The following PCDHGB2 variants were observed in gnomAD, a reference collection of about 807,000 sequenced individuals.
PCDHGB2 encodes the protein protocadherin gamma-B2.
PCDHGB2 carries 55 observed loss-of-function variants against 59.3 expected under a neutral mutation model. The observed-to-expected ratio is 0.93, with a 90% CI of 0.75 to 1.16. The LOEUF is 1.16. Ranked by LOEUF, PCDHGB2 falls within the 50% of genes most tolerant of loss-of-function variation. The pLI, the probability that PCDHGB2 is intolerant of heterozygous loss-of-function variation, is 0.00. For missense variants in PCDHGB2, 1,228 were observed against 1,198.5 expected (o/e 1.02, Z -0.36); for synonymous variants, 516 against 512.0 (o/e 1.01, Z -0.11).
Position 141,360,866 on chromosome 5 carries a change from A to T in PCDHGB2, c.731A>T (p.Gln244Leu). The change falls in exon 1 of 4, where the codon CAG (glutamine) becomes CTG (leucine). Residue 244 changes from glutamine to leucine, a missense_variant. Around this residue, in one of 3 missense-constraint regions of PCDHGB2, gnomAD observed 781 missense variants for 721.6 expected, o/e 1.08. Coordinates refer to ENST00000522605, the MANE Select transcript of PCDHGB2 (RefSeq NM_018923.3). ...AACGATAACCCTCCAGTGTTCAGCC[A>T]GGACGTGTACAGGGTCACCCTGAGG... ...DANDNPPVFS[Q>L]DVYRVTLRED... 6.2e-7 allele frequency: 1 copy of T among 1,614,058 alleles called. No individual in the cohort carries two copies. The highest frequency in any genetic ancestry group is 8.5e-7 in the Non-Finnish European group (1 of 1,179,902).
chr5:141,506,832 C>T (rs1398190563), intron 3 of PCDHGB2, among the ~76,000 whole-genome samples: 1 of 152,130 alleles, frequency 6.6e-6, no homozygotes, highest in African/African-American at 2.4e-5. Flanking sequence ...GAACTGATAG[C>T]CCTGCCCTCC....
rs2099684984 is a variant in PCDHGB2 at position 141,489,278 on chromosome 5, G to A, written c.2422-5529G>A. ...ACACTCCCACAGCTCGCTGGGAAAT[G>A]GCAAGTGCTGTGCATGTTGTCCTTG... is the stretch of plus-strand genomic sequence containing the variant. On this transcript the variant is annotated intron_variant, in intron 1 of 3. Transcript: ENST00000522605. The surrounding 1 kb of genome is among the most constrained non-coding windows in gnomAD (Gnocchi z 4.5). The A allele has an allele frequency of 6.4e-7, 1 of 1,561,298 alleles. No homozygotes were observed. The highest frequency in any genetic ancestry group is 2.2e-5 in the East Asian group (1 of 44,520).
chr5:141,442,894 C>T (rs1173211061), intron 1 of PCDHGB2, among the ~76,000 whole-genome samples: 1 of 152,204 alleles, frequency 6.6e-6, no homozygotes, highest in Non-Finnish European at 1.5e-5. Flanking sequence ...CCCTGCTTAT[C>T]ACTTCTCCTT....
At chr5:141,371,942 G>T (rs902262957) in intron 1 of PCDHGB2, 1 of 1,613,292 alleles carries the variant, frequency 6.2e-7, no homozygotes, top group Non-Finnish European at 8.5e-7. Context: ...TGGTGTTCGC[G>T]CAGCGAGCCT....
At chr5:141,392,818 C>T (rs1306076998) in intron 1 of PCDHGB2, 1 of 1,589,068 alleles carries the variant, frequency 6.3e-7, no homozygotes, top group East Asian at 2.2e-5. Flanking sequence ...ACAACAATGG[C>T]CGCTCCACAG....
intron 2 of PCDHGB2, among the ~76,000 whole-genome samples, chr5:141,501,838 G>A (rs888418141): frequency 6.6e-6 from 1 of 152,000 alleles, no homozygotes; most frequent in African/African-American, 2.4e-5. Flanking sequence ...CACCTGTTTG[G>A]CCCTCAACCT....
At chr5:141,418,000 G>T in intron 1 of PCDHGB2, 1 of 1,613,902 alleles carries the variant, frequency 6.2e-7, no homozygotes, top group Non-Finnish European at 8.5e-7. Context: ...GCTCGGTGGT[G>T]GGGAACCTCG....
chr5:141,431,554 C>G lies in PCDHGB2; in HGVS notation c.2422-63253C>G. 1 of 1,614,126 alleles carries G rather than the reference C, an allele frequency of 6.2e-7. No homozygotes were observed. The highest frequency in any genetic ancestry group is 1.7e-5 in the Admixed American group (1 of 60,032). ...TGGGCACGCAGCTGCTTGTAGTCAA[C>G]GCTACCGACCCTGACGAAGGAGTCA... is the stretch of plus-strand genomic sequence containing the variant. On this transcript the variant is annotated intron_variant, in intron 1 of 3. Coordinates refer to ENST00000522605, the MANE Select transcript of PCDHGB2 (RefSeq NM_018923.3). This position sits in a 1 kb window ranked among gnomAD's most constrained non-coding sequence, Gnocchi z 4.8.
At chr5:141,409,589 G>A (rs1487343349) in intron 1 of PCDHGB2, 12 of 1,613,758 alleles carry the variant, frequency 7.4e-6, no homozygotes, top group East Asian at 4.5e-5. Flanking sequence ...CCACGTGGCC[G>A]AGAACAACCC....
chr5:141,413,533 C>G, intron 1 of PCDHGB2: 1 of 1,613,934 alleles, frequency 6.2e-7, no homozygotes, highest in Non-Finnish European at 8.5e-7. Flanking sequence ...CAGGGTGAAA[C>G]TTTTTGGGAT....
At chr5:141,415,736 TAAGG>T (rs2095905512) in intron 1 of PCDHGB2, 1 of 1,289,864 alleles carries the variant, frequency 7.8e-7, no homozygotes, top group Admixed American at 3.4e-5. Flanking sequence ...TGATGTTTAT[TAAGG>T]TTTTTTTTTT....
chr5:141,443,243 C>T (rs755331096), intron 1 of PCDHGB2, among the ~76,000 whole-genome samples: 9 of 151,618 alleles, frequency 5.9e-5, no homozygotes, highest in Non-Finnish European at 1.0e-4. Flanking sequence ...CACTTTGGGG[C>T]GCCAAGGCGG....
At chr5:141,395,347 C>T in intron 1 of PCDHGB2, 1 of 1,392,780 alleles carries the variant, frequency 7.2e-7, no homozygotes, top group Non-Finnish European at 9.5e-7. Flanking sequence ...TAAGGTGTAT[C>T]ACAGAGTTTT....
chr5:141,396,347 G>A (rs765584625), intron 1 of PCDHGB2: 21 of 152,416 alleles, frequency 1.4e-4, no homozygotes, highest in Non-Finnish European at 2.5e-4. Context: ...GGCCGGGTGC[G>A]GTGGCTCACG....
At chr5:141,434,883 C>T (rs1490696834) in intron 1 of PCDHGB2, among the ~76,000 whole-genome samples, 1 of 151,644 alleles carries the variant, frequency 6.6e-6, no homozygotes, top group Non-Finnish European at 1.5e-5. Context: ...ATACCAACAA[C>T]AATCCAGTCC....
Position 141,385,517 on chromosome 5 carries a change from T to G in PCDHGB2, c.2421+22961T>G, listed in dbSNP as rs887255170. 4.4e-6 allele frequency: 6 copies of G among 1,367,514 alleles called. No individual in the cohort carries two copies. In the Admixed American group the frequency reaches 2.0e-4, roughly 47 times the overall value. The allele number at this position is 1,367,514 out of a possible 1,614,324, so 84.7% of individuals were successfully genotyped here. A position where few individuals can be genotyped will look rare whatever the true frequency, so the allele number is the denominator to read the frequency against. The stretch of plus-strand genomic sequence containing the variant: ...ATATAGTATTTCTTTAGTGAAAGCC[T>G]ATGGACAAGATTATGAATATGTGGA... On this transcript the variant is annotated intron_variant, in intron 1 of 3. Transcript: ENST00000522605.
chr5:141,376,508 G>A (rs1267982619), intron 1 of PCDHGB2: 1 of 1,614,020 alleles, frequency 6.2e-7, no homozygotes, highest in South Asian at 1.1e-5. Context: ...GCAACTTCAG[G>A]TGAGTTTCTT....
chr5:141,427,937 C>T, intron 1 of PCDHGB2: 1 of 1,584,566 alleles, frequency 6.3e-7, no homozygotes, highest in African/African-American at 1.3e-5. Flanking sequence ...TGTTGGTGGG[C>T]GACCTCAATG....
intron 1 of PCDHGB2, among the ~76,000 whole-genome samples, chr5:141,450,335 T>A (rs1054670037): frequency 1.3e-5 from 2 of 152,158 alleles, no homozygotes; most frequent in African/African-American, 4.8e-5. Context: ...CTCTTTAATC[T>A]ACTTTAATCT....
Sources: gnomAD v4.1 joint callset for allele counts (sites outside exome capture counted in the v4.1 genomes callset) on GRCh38, gnomAD v4.1.1 for gene constraint, gnomAD v4.1.1 regional missense constraint, Gnocchi (gnomAD v3.1) non-coding constraint, MANE v1.5 for transcripts, NCBI Gene and HGNC (gene_info 2026-07-23, HGNC 2026-07-21) for gene names.